Variants in GRXCR1 observed in about 807,000 individuals in gnomAD.
GRXCR1 encodes the protein glutaredoxin and cysteine rich domain containing 1, also known as glutaredoxin domain-containing cysteine-rich protein 1.
Under a neutral mutation model 27.3 loss-of-function variants are expected in GRXCR1, and 27 were observed. That is an observed-to-expected ratio of 0.99 (90% CI 0.73 to 1.37). The LOEUF is 1.37. Among genes scored for constraint, GRXCR1 ranks in the 40% most tolerant of loss-of-function variants. GRXCR1 has a pLI of 0.00. For missense variants in GRXCR1, 379 were observed against 354.4 expected (o/e 1.07, Z -0.56); for synonymous variants, 122 against 131.1 (o/e 0.93, Z 0.47).
chr4:42,898,377 G>A (rs919046157), intron 1 of GRXCR1, among the ~76,000 whole-genome samples: 1 of 151,968 alleles, frequency 6.6e-6, no homozygotes, highest in African/African-American at 2.4e-5. Flanking sequence ...GAGGTTGCAA[G>A]GATTGACACT....
chr4:42,932,605 TATATATATATATATAGAGAGAGAGAG>T (rs1437286349), intron 1 of GRXCR1, among the ~76,000 whole-genome samples: 32 of 57,902 alleles, frequency 5.5e-4, no homozygotes, highest in Admixed American at 1.1e-3. Context: ...TATATATATA[TATATATATATATATAGAGAGAGAGAG>T]AGAGAGAGAG....
intron 1 of GRXCR1, among the ~76,000 whole-genome samples, chr4:42,921,416 C>T (rs1221585355): frequency 6.6e-6 from 1 of 152,072 alleles, no homozygotes; most frequent in Non-Finnish European, 1.5e-5. Flanking sequence ...CTCTAAGAGT[C>T]TTCTAAATTT....
intron 2 of GRXCR1, among the ~76,000 whole-genome samples, chr4:43,007,045 A>T (rs1712582835): frequency 6.6e-6 from 1 of 152,198 alleles, no homozygotes; most frequent in African/African-American, 2.4e-5. Context: ...AGGAGCAGGT[A>T]AATAAATATG....
chr4:43,011,999 G>A (rs1262555024), intron 2 of GRXCR1, among the ~76,000 whole-genome samples: 1 of 152,144 alleles, frequency 6.6e-6, no homozygotes, highest in Non-Finnish European at 1.5e-5. Flanking sequence ...CCTGCGAATG[G>A]AATTTTAATT....
chr4:42,909,795 T>G (rs1303363938), intron 1 of GRXCR1, among the ~76,000 whole-genome samples: 1 of 152,162 alleles, frequency 6.6e-6, no homozygotes, highest in East Asian at 1.9e-4. Context: ...TCTGTAGCAT[T>G]TATACATAAA....
At chr4:42,908,084 A>C (rs1415317736) in intron 1 of GRXCR1, among the ~76,000 whole-genome samples, 8 of 152,150 alleles carry the variant, frequency 5.3e-5, no homozygotes, top group Admixed American at 5.2e-4. Flanking sequence ...CACCTTCGAG[A>C]TGCTACTCTA....
At chr4:42,919,049 T>C (rs773482489) in intron 1 of GRXCR1, among the ~76,000 whole-genome samples, 46 of 152,296 alleles carry the variant, frequency 3.0e-4, no homozygotes, top group Admixed American at 3.9e-4. Flanking sequence ...CATAACCATT[T>C]AATAATACTT....
At chr4:42,927,179 G>A (rs962429514) in intron 1 of GRXCR1, among the ~76,000 whole-genome samples, 4 of 151,976 alleles carry the variant, frequency 2.6e-5, no homozygotes, top group African/African-American at 7.2e-5. Context: ...CCAGGGAAGG[G>A]GTAGACCAGC....
chr4:42,980,193 G>A (rs1748623058), intron 2 of GRXCR1, among the ~76,000 whole-genome samples: 1 of 151,558 alleles, frequency 6.6e-6, no homozygotes, highest in Non-Finnish European at 1.5e-5. Flanking sequence ...TTTGAGTTTA[G>A]TTTGTTCTTG....
chr4:42,902,046 T>C (rs1746473323), intron 1 of GRXCR1, among the ~76,000 whole-genome samples: 1 of 152,224 alleles, frequency 6.6e-6, no homozygotes, highest in African/African-American at 2.4e-5. Flanking sequence ...AATTTTATTA[T>C]GTTAGTCCAG....
intron 1 of GRXCR1, among the ~76,000 whole-genome samples, chr4:42,905,373 C>T (rs1057143386): frequency 6.6e-6 from 1 of 152,158 alleles, no homozygotes; most frequent in Admixed American, 6.6e-5. Flanking sequence ...TAGTAATTGC[C>T]TGGATTGATT....
At chr4:42,974,784 G>A (rs896991347) in intron 2 of GRXCR1, among the ~76,000 whole-genome samples, 5 of 151,998 alleles carry the variant, frequency 3.3e-5, no homozygotes, top group Non-Finnish European at 7.4e-5. Context: ...TTGGGGCTGT[G>A]GCATAAACAC....
intron 1 of GRXCR1, among the ~76,000 whole-genome samples, chr4:42,935,667 C>T (rs965861361): frequency 2.0e-5 from 3 of 151,740 alleles, no homozygotes; most frequent in Non-Finnish European, 4.4e-5. Flanking sequence ...GATGAGTGTA[C>T]AACGAAGGAT....
intron 1 of GRXCR1, among the ~76,000 whole-genome samples, chr4:42,942,460 T>A (rs1036275235): frequency 1.3e-5 from 2 of 152,040 alleles, no homozygotes; most frequent in African/African-American, 4.8e-5. Flanking sequence ...AAAGTGACAG[T>A]CTCATCCCTT....
At chr4:42,933,573 A>T (rs1278797667) in intron 1 of GRXCR1, among the ~76,000 whole-genome samples, 1 of 151,898 alleles carries the variant, frequency 6.6e-6, no homozygotes, top group East Asian at 1.9e-4. Flanking sequence ...CATATATTAA[A>T]ACCTAACCTC....
At chr4:42,991,001 A>C (rs1285199278) in intron 2 of GRXCR1, among the ~76,000 whole-genome samples, 2 of 152,128 alleles carry the variant, frequency 1.3e-5, no homozygotes, top group African/African-American at 2.4e-5. Context: ...CATATATTTA[A>C]ATATGAGAGA....
intron 2 of GRXCR1, among the ~76,000 whole-genome samples, chr4:42,975,912 A>T (rs1417297460): frequency 6.6e-6 from 1 of 152,172 alleles, no homozygotes; most frequent in Non-Finnish European, 1.5e-5. Flanking sequence ...TAGTCAATTA[A>T]AGAGAAAGAA....
intron 1 of GRXCR1, among the ~76,000 whole-genome samples, chr4:42,911,529 T>C (rs1327504507): frequency 6.6e-6 from 1 of 152,100 alleles, no homozygotes; most frequent in East Asian, 1.9e-4. Flanking sequence ...AGAAAATATA[T>C]ATTCTCTGAT....
At chr4:42,945,502 A>C (rs1014049129) in intron 1 of GRXCR1, among the ~76,000 whole-genome samples, 2 of 151,976 alleles carry the variant, frequency 1.3e-5, no homozygotes, top group African/African-American at 4.8e-5. Context: ...CATGTCTGGC[A>C]TCTTCTATAC....
Sources: gnomAD v4.1 joint callset for allele counts (sites outside exome capture counted in the v4.1 genomes callset) on GRCh38, gnomAD v4.1.1 for gene constraint, MANE v1.5 for transcripts, NCBI Gene and HGNC (gene_info 2026-07-23, HGNC 2026-07-21) for gene names.